Variants in PC observed in about 807,000 individuals in gnomAD.
PC encodes the protein pyruvate carboxylase.
PC carries 46 observed loss-of-function variants against 107.8 expected under a neutral mutation model. That is an observed-to-expected ratio of 0.43 (90% CI 0.34 to 0.55). The LOEUF is 0.55. PC is among the 20% of genes least tolerant of loss of function. The pLI, the probability that PC is intolerant of heterozygous loss-of-function variation, is 0.04. For synonymous variants in PC, 662 were observed against 684.7 expected (o/e 0.97, Z 0.52); for missense variants, 1,241 against 1,643.1 (o/e 0.76, Z 4.23).
At chr11:66,875,116 T>C (rs953958771) in intron 3 of PC, among the ~76,000 whole-genome samples, 3 of 152,058 alleles carry the variant, frequency 2.0e-5, no homozygotes, top group Non-Finnish European at 4.4e-5. Flanking sequence ...AGGAGGGACA[T>C]GATCGATGCA....
At chr11:66,930,884 C>T (rs547252883) in intron 3 of PC, among the ~76,000 whole-genome samples, 1 of 151,918 alleles carries the variant, frequency 6.6e-6, no homozygotes, top group Non-Finnish European at 1.5e-5. Context: ...ATGGAAAGCT[C>T]TACGGCAGTG....
chr11:66,861,504 G>T (rs563396336), intron 12 of PC, among the ~76,000 whole-genome samples: 1 of 152,380 alleles, frequency 6.6e-6, no homozygotes, highest in South Asian at 2.1e-4. Flanking sequence ...GCTCACACGC[G>T]TGTGCCTGCC....
chr11:66,928,325 G>A (rs778059913), intron 3 of PC, among the ~76,000 whole-genome samples: 3 of 149,454 alleles, frequency 2.0e-5, no homozygotes, highest in South Asian at 2.1e-4. Flanking sequence ...AGGCAGGATC[G>A]CAGTGAGCTG....
intron 3 of PC, among the ~76,000 whole-genome samples, chr11:66,874,411 C>T (rs1313994870): frequency 2.0e-5 from 3 of 152,164 alleles, no homozygotes; most frequent in Admixed American, 6.5e-5. Context: ...TCTTAGAAAA[C>T]GTTTAAAACA....
Position 66,866,047 on chromosome 11 carries a change from T to A in PC, c.1185+140A>T. 1 of 942,982 alleles carries A rather than the reference T, an allele frequency of 1.1e-6. No individual in the cohort carries two copies. Among genetic ancestry groups the A allele is most frequent in the Non-Finnish European group, 1.6e-6 (1 of 627,320 alleles). The allele number at this position is 942,982 out of a possible 1,614,324, so 58.4% of individuals were successfully genotyped here. A position where few individuals can be genotyped will look rare whatever the true frequency, so the allele number is the denominator to read the frequency against. ...CCTCTGGGCACTGCCTGCCTCCGTG[T>A]ACTCTATGTCCACTTCAGAGCCCAC... On this transcript the variant is annotated intron_variant, in intron 11 of 22. Coordinates refer to ENST00000393960, the MANE Select transcript of PC (RefSeq NM_001040716.2). The surrounding 1 kb of genome is among the most constrained non-coding windows in gnomAD (Gnocchi z 5.4).
chr11:66,903,614 G>A (rs1948036221), intron 3 of PC, among the ~76,000 whole-genome samples: 1 of 149,612 alleles, frequency 6.7e-6, no homozygotes, highest in Non-Finnish European at 1.5e-5. Context: ...CAGGCGTGGT[G>A]GCAGGCACCT....
chr11:66,881,767 G>C (rs1221539807), intron 3 of PC, among the ~76,000 whole-genome samples: 1 of 152,218 alleles, frequency 6.6e-6, no homozygotes, highest in Non-Finnish European at 1.5e-5. Context: ...ACAGGTAAGG[G>C]ACCAGGTGCA....
At position 66,915,276 on chromosome 11, in the gene PC, C is replaced by A. The variant is rs1000307936; in HGVS notation, c.-1+37154G>T. On this transcript the variant is annotated intron_variant, in intron 3 of 22. Transcript: ENST00000393960. ...TGCCAAGCTCCACAGCAAGGCACTG[C>A]CTGCTGCGAGAGGCAGATAACCACA... Among the ~76,000 whole-genome samples, 3 of 152,212 alleles carry A rather than the reference C, an allele frequency of 2.0e-5. No homozygotes were observed. In the East Asian group the frequency reaches 5.8e-4, roughly 29 times the overall value.
At chr11:66,888,558 C>T (rs1188915360) in intron 3 of PC, among the ~76,000 whole-genome samples, 1 of 151,966 alleles carries the variant, frequency 6.6e-6, no homozygotes, top group African/African-American at 2.4e-5. Context: ...TCGCTGTCCA[C>T]AGGCCTGGAG....
In PC at chr11:66,948,989, T is replaced by TTTA. The variant is rs200743709; in HGVS notation, c.-1+3438_-1+3440dup. ...AAAAATGGAAGAATTATTATTATTA[T>TTTA]TTATTATTATTATTATTTTTTTGAG... On this transcript the variant is annotated intron_variant, in intron 3 of 22. Transcript: ENST00000393960. 9.6e-3 allele frequency among the ~76,000 whole-genome samples: 1,457 copies of TTTA among 151,618 alleles called. 15 individuals are homozygous for TTTA. Among genetic ancestry groups the TTTA allele is most frequent in the Middle Eastern group, 0.014 (4 of 294 alleles).
Position 66,870,848 on chromosome 11 carries a change from G to A in PC, c.678C>T (p.Ala226=), listed in dbSNP as rs760305529. 20 of 1,613,514 alleles carry A rather than the reference G, an allele frequency of 1.2e-5. No homozygotes were observed. The highest frequency in any genetic ancestry group is 1.7e-5 in the Admixed American group (1 of 60,014). The change falls in exon 8 of 23, where the codon GCC becomes GCT. Residue 226 remains alanine, a synonymous_variant. Transcript: ENST00000393960. This position sits in a 1 kb window ranked among gnomAD's most constrained non-coding sequence, Gnocchi z 6.1. The stretch of plus-strand genomic sequence containing the variant: ...CAAACAGCGCCCCATTCCCAAAGGC[G>A]GCCAGAGCCTCTGAGTAGGCCCGGG... ...NYTRAYSEAL[A]AFGNGALFVE... is the part of the protein sequence containing the mutation.
chr11:66,851,643 G>C (rs916151096), intron 16 of PC, 147 bp downstream of exon 16: 12 of 870,574 alleles, frequency 1.4e-5, no homozygotes, highest in Non-Finnish European at 2.3e-5. Context: ...TACACTTCTC[G>C]ATATTTCCAA....
chr11:66,903,679 C>G (rs868514925), intron 3 of PC, among the ~76,000 whole-genome samples: 1 of 128,650 alleles, frequency 7.8e-6, no homozygotes, highest in Admixed American at 8.3e-5. Flanking sequence ...ACCTGGGAGG[C>G]GGAGGTTGCA....
At chr11:66,941,656 T>A (rs1949132067) in intron 3 of PC, among the ~76,000 whole-genome samples, 1 of 152,130 alleles carries the variant, frequency 6.6e-6, no homozygotes. Context: ...CATGCCCAGC[T>A]AATTTTTTGT....
chr11:66,849,487 C>CT lies in PC; in HGVS notation c.3148-118dup. 5 of 1,602,872 alleles carry CT rather than the reference C, an allele frequency of 3.1e-6. No individual in the cohort carries two copies. In the East Asian group the frequency reaches 1.1e-4, roughly 36 times the overall value. On this transcript the variant is annotated intron_variant, in intron 21 of 22. Transcript: ENST00000393960. ...TGGCTCCTCGTTCCTAAAGGCCTAG[C>CT]TCCCGGTCTCAAGGGTCCTTTCTGC... is the stretch of plus-strand genomic sequence containing the variant.
chr11:66,868,761 G>T, intron 10 of PC, 85 bp downstream of exon 10: 1 of 1,014,990 alleles, frequency 9.9e-7, no homozygotes, highest in Non-Finnish European at 1.6e-6. Flanking sequence ...CAAGCCCCCT[G>T]GCTGGCCCCA....
At chr11:66,929,528 G>A (rs753825951) in intron 3 of PC, among the ~76,000 whole-genome samples, 1 of 151,956 alleles carries the variant, frequency 6.6e-6, no homozygotes. Flanking sequence ...CACCATGCCC[G>A]GCTAATTTTT....
At position 66,851,875 on chromosome 11, in the gene PC, G is replaced by T; in HGVS notation, c.1897C>A (p.Leu633Ile). Residue 633 changes from leucine (L) to isoleucine (I), a missense_variant, in exon 16 of 23, where the codon CTC becomes ATC. Leu to Ile is a conservative substitution (Grantham distance 5). Transcript: ENST00000393960. ...ATCTGGAAAGGGATGTTGGGGATGAGCTCCCGGAGCTCCTGCAGCCGCCGC... is the reference window on the plus strand; with the variant it reads ...ATCTGGAAAGGGATGTTGGGGATGATCTCCCGGAGCTCCTGCAGCCGCCGC... ...PWRRLQELRE[L>I]IPNIPFQMLL... 6.2e-7 allele frequency: 1 copy of T among 1,614,074 alleles called. No individual in the cohort carries two copies. Among genetic ancestry groups the T allele is most frequent in the Non-Finnish European group, 8.5e-7 (1 of 1,179,988 alleles).
chr11:66,880,629 C>T (rs1947153557), intron 3 of PC, among the ~76,000 whole-genome samples: 1 of 152,244 alleles, frequency 6.6e-6, no homozygotes, highest in Non-Finnish European at 1.5e-5. Context: ...ATGGCACATT[C>T]CCAGCAAGTG....
Sources: gnomAD v4.1 joint callset for allele counts (sites outside exome capture counted in the v4.1 genomes callset) on GRCh38, gnomAD v4.1.1 for gene constraint, Gnocchi (gnomAD v3.1) non-coding constraint, MANE v1.5 for transcripts, NCBI Gene and HGNC (gene_info 2026-07-23, HGNC 2026-07-21) for gene names.